The following KCNB2 variants were observed in gnomAD, a reference collection of about 807,000 sequenced individuals.
The protein encoded by KCNB2 is potassium voltage-gated channel subfamily B member 2.
KCNB2 carries 15 observed loss-of-function variants against 61.5 expected under a neutral mutation model. The observed-to-expected ratio is 0.24, with a 90% CI of 0.16 to 0.38. The LOEUF is 0.38. Ranked by LOEUF, KCNB2 falls within the 10% of genes least tolerant of loss-of-function variation. The probability of loss-of-function intolerance (pLI) is 1.00; values close to 1 mark genes in which losing one functional copy is unlikely to be tolerated. For missense variants in KCNB2, 828 were observed against 1,125.2 expected, an observed-to-expected ratio of 0.74 and a Z score of 3.78; for synonymous variants, 457 against 446.0, an observed-to-expected ratio of 1.02 and a Z score of -0.31.
At chr8:72,849,964 A>G (rs1810065392) in intron 2 of KCNB2, among the ~76,000 whole-genome samples, 1 of 152,214 alleles carries the variant, frequency 6.6e-6, no homozygotes, top group African/African-American at 2.4e-5. Context: ...AAACAGAATC[A>G]TGTGCATTGT....
intron 2 of KCNB2, among the ~76,000 whole-genome samples, chr8:72,598,353 A>T (rs1465304516): frequency 1.3e-5 from 2 of 152,254 alleles, no homozygotes; most frequent in East Asian, 3.9e-4. Flanking sequence ...CAAAAACCAC[A>T]TGATTATCTC....
chr8:72,570,906 C>A (rs1393308253), intron 2 of KCNB2, among the ~76,000 whole-genome samples: 1 of 152,158 alleles, frequency 6.6e-6, no homozygotes, highest in African/African-American at 2.4e-5. Context: ...GTGCCACACA[C>A]ATTAAAGTAG....
chr8:72,870,773 A>C (rs1805602780), intron 2 of KCNB2, among the ~76,000 whole-genome samples: 1 of 152,182 alleles, frequency 6.6e-6, no homozygotes, highest in Non-Finnish European at 1.5e-5. Flanking sequence ...GACATATAGA[A>C]AAACTACCAG....
chr8:72,667,213 A>T (rs962016778), intron 2 of KCNB2, among the ~76,000 whole-genome samples: 25 of 152,168 alleles, frequency 1.6e-4, no homozygotes, highest in African/African-American at 6.0e-4. Flanking sequence ...CTGGGCCTGA[A>T]GCATAATAAG....
At chr8:72,782,647 A>G (rs928352844) in intron 2 of KCNB2, among the ~76,000 whole-genome samples, 1 of 152,084 alleles carries the variant, frequency 6.6e-6, no homozygotes, top group African/African-American at 2.4e-5. Flanking sequence ...TAAGCTATCC[A>G]TTCTAAGTGG....
At chr8:72,886,563 A>G (rs1805809978) in intron 2 of KCNB2, among the ~76,000 whole-genome samples, 1 of 152,018 alleles carries the variant, frequency 6.6e-6, no homozygotes, top group African/African-American at 2.4e-5. Context: ...CACCATCTAC[A>G]CTCTGCTCAG....
intron 2 of KCNB2, among the ~76,000 whole-genome samples, chr8:72,844,493 A>G (rs1448059036): frequency 6.6e-6 from 1 of 152,192 alleles, no homozygotes; most frequent in Non-Finnish European, 1.5e-5. Context: ...CTATCTTGCT[A>G]GGTTGGGGAA....
intron 2 of KCNB2, among the ~76,000 whole-genome samples, chr8:72,682,419 A>G (rs760708257): frequency 1.5e-4 from 23 of 152,062 alleles, no homozygotes; most frequent in Admixed American, 9.2e-4. Context: ...TACAATATTA[A>G]TATCATTATG....
At chr8:72,547,141 G>A (rs954871629) in intron 1 of KCNB2, among the ~76,000 whole-genome samples, 8 of 152,176 alleles carry the variant, frequency 5.3e-5, no homozygotes, top group African/African-American at 1.9e-4. Context: ...TTTACAGCAT[G>A]GTTTACTGAT....
chr8:72,865,239 T>A (rs573047099), intron 2 of KCNB2, among the ~76,000 whole-genome samples: 413 of 152,180 alleles, frequency 2.7e-3, no homozygotes, highest in African/African-American at 6.9e-3. Context: ...TCATTCCCCA[T>A]CGCTTACTAT....
chr8:72,923,332 C>G (rs1806561786), intron 2 of KCNB2, among the ~76,000 whole-genome samples: 1 of 152,062 alleles, frequency 6.6e-6, no homozygotes, highest in Non-Finnish European at 1.5e-5. Flanking sequence ...CAGATTTTAC[C>G]CACAAAAGAC....
intron 2 of KCNB2, among the ~76,000 whole-genome samples, chr8:72,774,854 G>A (rs1808620330): frequency 6.6e-6 from 1 of 152,002 alleles, no homozygotes; most frequent in African/African-American, 2.4e-5. Flanking sequence ...TTAGAGACCT[G>A]CTAGAATTCT....
chr8:72,629,126 G>A (rs2128984814), intron 2 of KCNB2, among the ~76,000 whole-genome samples: 1 of 152,284 alleles, frequency 6.6e-6, no homozygotes, highest in East Asian at 1.9e-4. Flanking sequence ...GTAGGGGAAA[G>A]CCAGGTATGG....
At chr8:72,570,651 G>T (rs181338931) in intron 2 of KCNB2, among the ~76,000 whole-genome samples, 12 of 152,044 alleles carry the variant, frequency 7.9e-5, no homozygotes, top group Non-Finnish European at 1.5e-4. Context: ...CACAACTTAA[G>T]AAAAAGTAGT....
intron 1 of KCNB2, among the ~76,000 whole-genome samples, chr8:72,561,546 TTTC>T (rs1285610747): frequency 6.6e-6 from 1 of 150,814 alleles, no homozygotes; most frequent in Non-Finnish European, 1.5e-5. Flanking sequence ...AAGGACAGCA[TTTC>T]AGTTATTTCT....
intron 2 of KCNB2, among the ~76,000 whole-genome samples, chr8:72,847,814 A>G (rs1159107002): frequency 2.0e-5 from 3 of 152,242 alleles, no homozygotes. Context: ...AATGGTTGAG[A>G]GACTCACTAG....
intron 2 of KCNB2, among the ~76,000 whole-genome samples, chr8:72,852,092 AT>A (rs1357839052): frequency 2.6e-5 from 4 of 152,030 alleles, no homozygotes; most frequent in Admixed American, 2.6e-4. Context: ...AAAATAAAAA[AT>A]AAAAAATTCA....
At chr8:72,561,759 A>ATATATATG (rs1329405807) in intron 1 of KCNB2, among the ~76,000 whole-genome samples, 1 of 21,296 alleles carries the variant, frequency 4.7e-5, no homozygotes, top group Non-Finnish European at 6.8e-5. Flanking sequence ...ATATATATAT[A>ATATATATG]TGGATATATA....
intron 1 of KCNB2, among the ~76,000 whole-genome samples, chr8:72,559,334 A>T (rs199731530): frequency 6.6e-6 from 1 of 151,776 alleles, no homozygotes; most frequent in Admixed American, 6.6e-5. Flanking sequence ...TAGTAGAGAC[A>T]GGGTTTCACC....
Sources: allele counts gnomAD v4.1 joint callset (sites outside exome capture counted in the v4.1 genomes callset), GRCh38; gene constraint gnomAD v4.1.1; transcripts MANE v1.5; gene names NCBI Gene and HGNC (gene_info 2026-07-23, HGNC 2026-07-21).